Variants in ZFYVE21 observed in about 807,000 individuals in gnomAD.
ZFYVE21 encodes the protein zinc finger FYVE-type containing 21.
Under a neutral mutation model 29.5 loss-of-function variants are expected in ZFYVE21, and 21 were observed. The ratio of observed to expected loss-of-function variants is 0.71; its 90% CI spans 0.50 to 1.02. The LOEUF (loss-of-function observed/expected upper bound fraction) is 1.02, where lower values mean the gene tolerates loss of function less well. Ranked by LOEUF, ZFYVE21 falls within the 50% of genes least tolerant of loss-of-function variation. The pLI is 0.00. For synonymous variants in ZFYVE21, 151 were observed against 133.8 expected (o/e 1.13, Z -0.89); for missense variants, 326 against 335.4 (o/e 0.97, Z 0.22).
chr14:103,731,733 G>A (rs2083977002), intron 5 of ZFYVE21: 1 of 152,326 alleles, frequency 6.6e-6, no homozygotes, highest in Non-Finnish European at 1.5e-5. Flanking sequence ...ACCGGCAGAA[G>A]AGCCGGCCCT....
chr14:103,716,003 G>T lies in ZFYVE21; in HGVS notation c.138+24G>T. The T allele has an allele frequency of 8.2e-7, 1 of 1,224,084 alleles. No homozygotes were observed. The highest frequency in any genetic ancestry group is 3.2e-4 in the Middle Eastern group (1 of 3,148). 75.8% of individuals were successfully genotyped at this position (1,224,084 alleles called of 1,614,324 possible). A position where few individuals can be genotyped will look rare whatever the true frequency, so the allele number is the denominator to read the frequency against. ...AGGTGGGTGGCCGTCGCCCCGGCCA[G>T]CGCCTCCGACCCGCCCCGCCGCCCC... On this transcript the variant is annotated intron_variant, in intron 1 of 6. Transcript: ENST00000311141. The surrounding 1 kb of genome is among the most constrained non-coding windows in gnomAD (Gnocchi z 4.8).
intron 2 of ZFYVE21, 66 bp from the exon 3 acceptor site, chr14:103,727,680 G>A (rs755024782): frequency 3.2e-6 from 5 of 1,585,936 alleles, no homozygotes; most frequent in East Asian, 4.5e-5. Context: ...CAGGCCAGCC[G>A]GGGCCACACC....
intron 3 of ZFYVE21, chr14:103,728,119 T>C (rs2083945469): frequency 1.8e-6 from 1 of 553,422 alleles, no homozygotes; most frequent in Non-Finnish European, 3.0e-6. Flanking sequence ...TCTAAAATGT[T>C]GGTGCTGACT....
rs977692572 is a variant in ZFYVE21 at position 103,729,140 on chromosome 14, A to G, written c.484A>G (p.Ile162Val). The G allele has an allele frequency of 3.1e-6, 5 of 1,614,044 alleles. No homozygotes were observed. The Admixed American group carries it at 8.3e-5, about 27-fold the overall frequency. ...CCACTATGAAATCGAAATTGTACACATTTCCACCGTGCAGATCCTCACAGA... is the reference window on the plus strand; with the variant it reads ...CCACTATGAAATCGAAATTGTACACGTTTCCACCGTGCAGATCCTCACAGA... ...DSHYEIEIVH[I>V]STVQILTEGF... Residue 162 changes from isoleucine to valine, a missense_variant, in exon 5 of 7, where the codon ATT becomes GTT. Transcript: ENST00000311141.
chr14:103,730,304 G>T lies in ZFYVE21; in HGVS notation c.526+1122G>T, dbSNP rs568524634. On this transcript the variant is annotated intron_variant, in intron 5 of 6. Transcript: ENST00000311141. ...GATGCCCAGGCCAGTGTTCTGTCCT[G>T]AGCTCAGGGATGTGTGTGGAGCCGG... 12 of 164,394 alleles carry T rather than the reference G, an allele frequency of 7.3e-5. No homozygotes were observed. In the South Asian group the frequency reaches 1.4e-3, roughly 19 times the overall value. 10.2% of individuals were successfully genotyped at this position (164,394 alleles called of 1,614,324 possible). A position where few individuals can be genotyped will look rare whatever the true frequency, so the allele number is the denominator to read the frequency against.
chr14:103,724,607 A>G (rs762402698), intron 1 of ZFYVE21: 3 of 152,230 alleles, frequency 2.0e-5, no homozygotes, highest in African/African-American at 7.2e-5. Flanking sequence ...GTCTTCTCTT[A>G]CATCTCTTTT....
At position 103,716,195 on chromosome 14, in the gene ZFYVE21, G is replaced by A. The variant is rs1489121432; in HGVS notation, c.138+216G>A. On this transcript the variant is annotated intron_variant, in intron 1 of 6. Transcript: ENST00000311141. The surrounding 1 kb of genome is among the most constrained non-coding windows in gnomAD (Gnocchi z 4.8). The stretch of plus-strand genomic sequence containing the variant: ...GAGGGCGGGAGGCGCGCGGTGTCCC[G>A]GTGCGGGGGTCCCGGGAGGGCAGGA... 2.6e-5 allele frequency among the ~76,000 whole-genome samples: 4 copies of A among 151,838 alleles called. No individual in the cohort carries two copies. The highest frequency in any genetic ancestry group is 5.9e-5 in the Non-Finnish European group (4 of 67,912).
At chr14:103,721,692 C>G (rs1164279470) in intron 1 of ZFYVE21, among the ~76,000 whole-genome samples, 1 of 152,256 alleles carries the variant, frequency 6.6e-6, no homozygotes, top group Non-Finnish European at 1.5e-5. Flanking sequence ...CCTCACTCTC[C>G]CTCTTCATCT....
Position 103,716,437 on chromosome 14 carries a change from G to A in ZFYVE21, c.138+458G>A, listed in dbSNP as rs1446697430. 6.6e-6 allele frequency among the ~76,000 whole-genome samples: 1 copy of A among 152,122 alleles called. No homozygotes were observed. Among genetic ancestry groups the A allele is most frequent in the Non-Finnish European group, 1.5e-5 (1 of 67,990 alleles). ...TGCTGTCCGCGGAAGCGCTGGAGCTGGCGGCCCCGCAGGGGTCCCTCCCGG... is the reference window on the plus strand; with the variant it reads ...TGCTGTCCGCGGAAGCGCTGGAGCTAGCGGCCCCGCAGGGGTCCCTCCCGG... On this transcript the variant is annotated intron_variant, in intron 1 of 6. Transcript: ENST00000311141. This position sits in a 1 kb window ranked among gnomAD's most constrained non-coding sequence, Gnocchi z 4.8.
rs1309982367 is a variant in ZFYVE21, at chr14:103,716,153, G to A, written c.138+174G>A. ...CCGCGTCCCCGGGCCGCCGCCTCAG[G>A]CTCCTACGCCCGCGGGGAGGGCGGG... On this transcript the variant is annotated intron_variant, in intron 1 of 6. Transcript: ENST00000311141. This position sits in a 1 kb window ranked among gnomAD's most constrained non-coding sequence, Gnocchi z 4.8. Among the ~76,000 whole-genome samples, 1 of 151,618 alleles carries A rather than the reference G, an allele frequency of 6.6e-6. No homozygotes were observed. The highest frequency in any genetic ancestry group is 2.4e-5 in the African/African-American group (1 of 41,358).
Position 103,716,550 on chromosome 14 carries a change from G to A in ZFYVE21, c.138+571G>A, listed in dbSNP as rs370257037. On this transcript the variant is annotated intron_variant, in intron 1 of 6. Coordinates refer to ENST00000311141, the MANE Select transcript of ZFYVE21 (RefSeq NM_024071.4). This position sits in a 1 kb window ranked among gnomAD's most constrained non-coding sequence, Gnocchi z 4.8. ...AAGGAGGGCCAGGACCCAGTCTGCG[G>A]GCCAGGCTGCCCCCCGTTTCCCTTC... 6.6e-6 allele frequency among the ~76,000 whole-genome samples: 1 copy of A among 152,234 alleles called. No individual in the cohort carries two copies. The highest frequency in any genetic ancestry group is 6.5e-5 in the Admixed American group (1 of 15,292).
chr14:103,719,645 A>C (rs2083857063), intron 1 of ZFYVE21, among the ~76,000 whole-genome samples: 1 of 151,016 alleles, frequency 6.6e-6, no homozygotes, highest in South Asian at 2.1e-4. Flanking sequence ...TTCCCAGCAC[A>C]CTGCAGGGTG....
chr14:103,727,094 T>C (rs966178961), intron 2 of ZFYVE21: 8 of 472,066 alleles, frequency 1.7e-5, no homozygotes, highest in South Asian at 4.6e-5. Flanking sequence ...TACAGGGGCT[T>C]GCCACCACGC....
At chr14:103,725,747 G>A (rs900732193) in intron 1 of ZFYVE21, 4 of 152,288 alleles carry the variant, frequency 2.6e-5, no homozygotes, top group Admixed American at 2.6e-4. Flanking sequence ...GTCAAGTGAA[G>A]CAGTGGAAAT....
intron 1 of ZFYVE21, among the ~76,000 whole-genome samples, chr14:103,722,367 T>TTG (rs2083880570): frequency 1.4e-5 from 2 of 147,924 alleles, no homozygotes; most frequent in African/African-American, 5.0e-5. Context: ...TTTTTTTTTT[T>TTG]TTTTTGAGAC....
chr14:103,729,788 C>T lies in ZFYVE21; in HGVS notation c.526+606C>T, dbSNP rs1205599642. 3 of 1,536,526 alleles carry T rather than the reference C, an allele frequency of 2.0e-6. No homozygotes were observed. In the South Asian group the frequency reaches 3.6e-5, roughly 18 times the overall value. On this transcript the variant is annotated intron_variant, in intron 5 of 6. Transcript: ENST00000311141. ...CGCCACTGCCTGCCCACCTTCTTGC[C>T]ATAGAAAAAGACATTCACGCTTACA...
intron 5 of ZFYVE21, chr14:103,729,743 G>A (rs1262561009): frequency 3.9e-6 from 6 of 1,533,600 alleles, no homozygotes; most frequent in Admixed American, 3.9e-5. Context: ...TTCTCTCACC[G>A]GCTCTTGGTT....
chr14:103,729,731 C>T (rs774366816), intron 5 of ZFYVE21: 110 of 1,527,346 alleles, frequency 7.2e-5, no homozygotes, highest in Middle Eastern at 1.7e-4. Context: ...GCTTTCCTTC[C>T]GTTCTCTCAC....
chr14:103,727,859 C>G lies in ZFYVE21; in HGVS notation c.303C>G (p.Leu101=), dbSNP rs1535100. 1,490,643 of 1,613,164 alleles carry G rather than the reference C, an allele frequency of 0.92. 690,288 individuals are homozygous for G. The highest frequency in any genetic ancestry group is 0.96 in the East Asian group (42,902 of 44,860). The change falls in exon 3 of 7, where the codon CTC becomes CTG. Residue 101 remains leucine, a synonymous_variant. Transcript: ENST00000311141. ...DPVRQCAECA[L]VSLKEAEFYD... is the part of the protein sequence containing the mutation. ...TGCGGCAGTGCGCGGAGTGCGCCCT[C>G]GTGTCCCTCAAGGAGGCGGAGTTCT...
Sources: gnomAD v4.1 joint callset for allele counts (sites outside exome capture counted in the v4.1 genomes callset) on GRCh38, gnomAD v4.1.1 for gene constraint, Gnocchi (gnomAD v3.1) non-coding constraint, MANE v1.5 for transcripts, NCBI Gene and HGNC (gene_info 2026-07-23, HGNC 2026-07-21) for gene names.